Variants in HIPK2 observed in about 807,000 individuals in gnomAD.
HIPK2 encodes the protein homeodomain interacting protein kinase 2, also known as homeodomain-interacting protein kinase 2.
HIPK2 carries 27 observed loss-of-function variants against 113.7 expected under a neutral mutation model. The observed-to-expected ratio is 0.24, with a 90% confidence interval of 0.17 to 0.33. HIPK2 has a LOEUF of 0.33. Among genes scored for constraint, HIPK2 ranks in the 10% least tolerant of loss-of-function variants. The pLI is 1.00. For synonymous variants in HIPK2, 631 were observed against 642.2 expected (o/e 0.98, Z 0.26); for missense variants, 1,257 against 1,588.0 (o/e 0.79, Z 3.54).
Position 139,631,544 on chromosome 7 carries a change from A to G in HIPK2, c.1227+58T>C. ...CATGTAATCAATGAAATGCTAATCCAGGCTATTTTCCAGATGAAGAATGAG... is the reference window on the plus strand; with the variant it reads ...CATGTAATCAATGAAATGCTAATCCGGGCTATTTTCCAGATGAAGAATGAG... On this transcript the variant is annotated intron_variant, in intron 3 of 14. Coordinates refer to ENST00000406875, the MANE Select transcript of HIPK2 (RefSeq NM_022740.5). This position sits in a 1 kb window ranked among gnomAD's most constrained non-coding sequence, Gnocchi z 4.9. 6.3e-7 allele frequency: 1 copy of G among 1,590,316 alleles called. No individual in the cohort carries two copies. The highest frequency in any genetic ancestry group is 1.1e-5 in the South Asian group (1 of 87,422).
chr7:139,591,907 G>T (rs1241754592), intron 12 of HIPK2, among the ~76,000 whole-genome samples: 1 of 152,256 alleles, frequency 6.6e-6, no homozygotes. Context: ...GATGGAGCAA[G>T]CTACATGGTT....
intron 2 of HIPK2, among the ~76,000 whole-genome samples, chr7:139,711,892 T>C (rs994942307): frequency 1.3e-5 from 2 of 152,216 alleles, no homozygotes; most frequent in African/African-American, 4.8e-5. Context: ...ACCTGAAAGG[T>C]GACACCATTA....
At chr7:139,637,097 C>T (rs1210374424) in intron 2 of HIPK2, among the ~76,000 whole-genome samples, 2 of 152,354 alleles carry the variant, frequency 1.3e-5, no homozygotes, top group African/African-American at 2.4e-5. Context: ...GCTCCAAAGT[C>T]TCAAGTCAGC....
intron 9 of HIPK2, among the ~76,000 whole-genome samples, chr7:139,612,490 G>T (rs142006475): frequency 6.6e-6 from 1 of 152,270 alleles, no homozygotes; most frequent in African/African-American, 2.4e-5. Context: ...AAGTTATTCT[G>T]CTTCAGTTTC....
At chr7:139,603,809 A>G (rs554866507) in intron 10 of HIPK2, among the ~76,000 whole-genome samples, 1 of 152,322 alleles carries the variant, frequency 6.6e-6, no homozygotes, top group South Asian at 2.1e-4. Context: ...GGTGAATTAC[A>G]CTGATGAGTA....
chr7:139,740,579 C>T (rs1037747477), intron 1 of HIPK2, among the ~76,000 whole-genome samples: 15 of 152,094 alleles, frequency 9.9e-5, no homozygotes, highest in Non-Finnish European at 7.4e-5. Flanking sequence ...GGAGAAGACC[C>T]GGAGGGAGTG....
intron 2 of HIPK2, among the ~76,000 whole-genome samples, chr7:139,712,457 C>G (rs1795100176): frequency 6.6e-6 from 1 of 152,218 alleles, no homozygotes; most frequent in Non-Finnish European, 1.5e-5. Flanking sequence ...AGTCAGATGT[C>G]CTGGGACGAT....
At chr7:139,764,402 G>C (rs1273822544) in intron 1 of HIPK2, among the ~76,000 whole-genome samples, 1 of 152,168 alleles carries the variant, frequency 6.6e-6, no homozygotes, top group African/African-American at 2.4e-5. Flanking sequence ...GGCTACACCT[G>C]GGAGGCAAAA....
chr7:139,632,581 C>T (rs79319286), intron 2 of HIPK2, among the ~76,000 whole-genome samples: 1,569 of 152,256 alleles, frequency 0.01, 19 homozygotes, highest in African/African-American at 0.035. Flanking sequence ...ACAACCTGTT[C>T]CTGAATGCAG....
intron 2 of HIPK2, among the ~76,000 whole-genome samples, chr7:139,647,667 C>A (rs1256607455): frequency 1.3e-5 from 2 of 151,948 alleles, no homozygotes; most frequent in African/African-American, 4.8e-5. Context: ...AAAGGAGATA[C>A]TATTTACCTA....
At chr7:139,654,312 G>A (rs1210039318) in intron 2 of HIPK2, among the ~76,000 whole-genome samples, 1 of 152,044 alleles carries the variant, frequency 6.6e-6, no homozygotes, top group East Asian at 1.9e-4. Context: ...AGGAATTTGA[G>A]ACCAGCCTGG....
At chr7:139,621,571 C>T (rs1181249606) in intron 6 of HIPK2, among the ~76,000 whole-genome samples, 3 of 152,158 alleles carry the variant, frequency 2.0e-5, no homozygotes, top group Non-Finnish European at 4.4e-5. Context: ...ATTTATACAG[C>T]GCTTCTCATT....
intron 2 of HIPK2, among the ~76,000 whole-genome samples, chr7:139,677,723 C>T (rs1802551272): frequency 6.6e-6 from 1 of 152,144 alleles, no homozygotes; most frequent in Admixed American, 6.6e-5. Flanking sequence ...TATCCCTCCC[C>T]TAGCCCGCCA....
intron 2 of HIPK2, among the ~76,000 whole-genome samples, chr7:139,678,693 T>C (rs928804677): frequency 2.6e-5 from 4 of 152,234 alleles, no homozygotes; most frequent in Non-Finnish European, 5.9e-5. Flanking sequence ...TTTAATTCTG[T>C]GAAGAAAGTC....
intron 2 of HIPK2, among the ~76,000 whole-genome samples, chr7:139,699,829 GGTGTGCGGA>G (rs1400374903): frequency 1.3e-5 from 2 of 152,212 alleles, no homozygotes; most frequent in Non-Finnish European, 2.9e-5. Flanking sequence ...GCACGCCAGG[GGTGTGCGGA>G]GTGAATGCAC....
intron 2 of HIPK2, among the ~76,000 whole-genome samples, chr7:139,693,085 G>A (rs1794456784): frequency 6.6e-6 from 1 of 152,188 alleles, no homozygotes; most frequent in Non-Finnish European, 1.5e-5. Context: ...ACCACTGTGA[G>A]AAGATGCAAA....
At position 139,561,876 on chromosome 7, in the gene HIPK2, T is replaced by G. The variant is rs977658075; in HGVS notation, c.*11051A>C. Reference sequence around the variant, plus strand: ...CAATGCTATTATTAGTTTCCAAGACTAATATAAATTCACTCCATTTTTCTA... The same window carrying G: ...CAATGCTATTATTAGTTTCCAAGACGAATATAAATTCACTCCATTTTTCTA... On this transcript the variant is annotated 3_prime_UTR_variant, in exon 15 of 15. Coordinates refer to ENST00000406875, the MANE Select transcript of HIPK2 (RefSeq NM_022740.5). 6.6e-6 allele frequency: 1 copy of G among 152,176 alleles called. No homozygotes were observed. The highest frequency in any genetic ancestry group is 2.4e-5 in the African/African-American group (1 of 41,444). 9.4% of individuals were successfully genotyped at this position (152,176 alleles called of 1,614,324 possible).
rs531650235 is a variant in HIPK2, at chr7:139,682,814, T to C, written c.1103+33118A>G. 4.6e-5 allele frequency among the ~76,000 whole-genome samples: 7 copies of C among 152,308 alleles called. No homozygotes were observed. In the East Asian group the frequency reaches 1.2e-3, roughly 25 times the overall value. On this transcript the variant is annotated intron_variant, in intron 2 of 14. Coordinates refer to ENST00000406875, the MANE Select transcript of HIPK2 (RefSeq NM_022740.5). The stretch of plus-strand genomic sequence containing the variant: ...GCGCTGGAAGACTCCAGTCAGGACA[T>C]GTGACTGCTGGAGCAAGCCTAGCTG...
chr7:139,748,328 T>A (rs1796225295), intron 1 of HIPK2, among the ~76,000 whole-genome samples: 1 of 152,132 alleles, frequency 6.6e-6, no homozygotes, highest in Non-Finnish European at 1.5e-5. Flanking sequence ...TCACTGTTTT[T>A]CCATGGGCCC....
Sources: allele counts gnomAD v4.1 joint callset (sites outside exome capture counted in the v4.1 genomes callset), GRCh38; gene constraint gnomAD v4.1.1; non-coding constraint Gnocchi (gnomAD v3.1); transcripts MANE v1.5; gene names NCBI Gene and HGNC (gene_info 2026-07-23, HGNC 2026-07-21).